The following FLRT1 variants were observed in gnomAD, a reference collection of about 807,000 sequenced individuals.
FLRT1 encodes fibronectin leucine rich transmembrane protein 1.
In FLRT1, 14 loss-of-function variants were observed where a neutral mutation model predicts 30.9. That is an observed-to-expected ratio of 0.45 (90% CI 0.30 to 0.71). The LOEUF (loss-of-function observed/expected upper bound fraction) is 0.71, where lower values mean the gene tolerates loss of function less well. Ranked by LOEUF, FLRT1 falls within the 30% of genes least tolerant of loss-of-function variation. The probability of loss-of-function intolerance (pLI) is 0.08; values close to 1 mark genes in which losing one functional copy is unlikely to be tolerated. For synonymous variants in FLRT1, 368 were observed against 430.4 expected (o/e 0.85, Z 1.80); for missense variants, 737 against 949.2 (o/e 0.78, Z 2.94).
intron 1 of FLRT1, among the ~76,000 whole-genome samples, chr11:64,041,480 G>C (rs79428877): frequency 6.6e-6 from 1 of 152,120 alleles, no homozygotes; most frequent in East Asian, 1.9e-4. Context: ...GCTCAGGGGA[G>C]TGAGGAGGGT....
At chr11:64,106,591 G>A (rs1405831897) in intron 2 of FLRT1, among the ~76,000 whole-genome samples, 1 of 152,190 alleles carries the variant, frequency 6.6e-6, no homozygotes, top group Admixed American at 6.5e-5. Context: ...GCCCCTGAGA[G>A]GCCCTGCCCT....
At chr11:64,113,447 T>TGGAC (rs1277175878) in intron 2 of FLRT1, among the ~76,000 whole-genome samples, 5 of 145,842 alleles carry the variant, frequency 3.4e-5, no homozygotes, top group Non-Finnish European at 7.7e-5. Flanking sequence ...GATGGATGGA[T>TGGAC]GGACAGGTGG....
chr11:64,059,930 A>G (rs1189481174), intron 1 of FLRT1, among the ~76,000 whole-genome samples: 1 of 152,048 alleles, frequency 6.6e-6, no homozygotes, highest in Non-Finnish European at 1.5e-5. Flanking sequence ...CCTCCTGAGC[A>G]GCTGGGGCGC....
At chr11:64,075,842 T>C (rs190491525) in intron 1 of FLRT1, among the ~76,000 whole-genome samples, 1 of 152,322 alleles carries the variant, frequency 6.6e-6, no homozygotes, top group East Asian at 1.9e-4. Flanking sequence ...CCAGCTAATT[T>C]TGTACTTTTT....
intron 1 of FLRT1, among the ~76,000 whole-genome samples, chr11:64,037,891 TCCTGAG>T (rs1411077699): frequency 6.6e-6 from 1 of 152,202 alleles, no homozygotes; most frequent in African/African-American, 2.4e-5. Flanking sequence ...TAGTGCCACC[TCCTGAG>T]CCTGAGCCAG....
At chr11:64,108,954 G>GA (rs908397181) in intron 2 of FLRT1, among the ~76,000 whole-genome samples, 12 of 152,188 alleles carry the variant, frequency 7.9e-5, no homozygotes, top group African/African-American at 2.9e-4. Context: ...AGGTGGGCAG[G>GA]AAGGAGGCTG....
intron 1 of FLRT1, among the ~76,000 whole-genome samples, chr11:64,099,827 AGATGGATG>A (rs544902818): frequency 6.6e-6 from 1 of 151,008 alleles, no homozygotes; most frequent in African/African-American, 2.4e-5. Flanking sequence ...GTGAATGGAT[AGATGGATG>A]GATGGATGGA....
At chr11:64,095,554 A>G (rs1187762147) in intron 1 of FLRT1, among the ~76,000 whole-genome samples, 1 of 152,200 alleles carries the variant, frequency 6.6e-6, no homozygotes, top group Non-Finnish European at 1.5e-5. Flanking sequence ...GGAGGCTGGC[A>G]GAGCTGGTGG....
chr11:64,117,604 T>C lies in FLRT1; in HGVS notation c.1337T>C (p.Leu446Pro). The C allele has an allele frequency of 6.2e-7, 1 of 1,613,700 alleles. No homozygotes were observed. Among genetic ancestry groups the C allele is most frequent in the Non-Finnish European group, 8.5e-7 (1 of 1,179,956 alleles). The change falls in exon 3 of 3, where the codon CTG (leucine) becomes CCG (proline). Residue 446 changes from leucine to proline, a missense_variant. Transcript: ENST00000682287. ...AKTLAIHVKA[L>P]TADSIRITWK... Reference sequence around the variant, plus strand: ...ACCCTGGCCATCCACGTGAAGGCCCTGACGGCAGACTCCATCCGCATCACG... The same window carrying C: ...ACCCTGGCCATCCACGTGAAGGCCCCGACGGCAGACTCCATCCGCATCACG...
At chr11:64,085,919 C>T (rs552817461) in intron 1 of FLRT1, among the ~76,000 whole-genome samples, 27 of 151,280 alleles carry the variant, frequency 1.8e-4, no homozygotes, top group African/African-American at 6.1e-4. Flanking sequence ...CCCACCCCCA[C>T]AGAAGGGGAG....
In FLRT1 at chr11:64,103,988, G is replaced by C. The variant is rs11231696; in HGVS notation, c.-243G>C. ...CCTCTCTGTGCCCTGGGGAGCCCCA[G>C]TGCTGCCCAGTCACCCCAGGGCTGA... On this transcript the variant is annotated 5_prime_UTR_variant, in exon 2 of 3. Coordinates refer to ENST00000682287, the MANE Select transcript of FLRT1 (RefSeq NM_013280.5). The C allele has an allele frequency of 6.6e-6, 1 of 152,294 alleles. No individual in the cohort carries two copies. The highest frequency in any genetic ancestry group is 2.4e-5 in the African/African-American group (1 of 41,376). The allele number at this position is 152,294 out of a possible 1,614,324, so 9.4% of individuals were successfully genotyped here.
chr11:64,074,652 C>T (rs1944169672), intron 1 of FLRT1, among the ~76,000 whole-genome samples: 1 of 152,242 alleles, frequency 6.6e-6, no homozygotes, highest in Admixed American at 6.5e-5. Flanking sequence ...GCCCTTACAG[C>T]ATGTCCAAGT....
intron 1 of FLRT1, among the ~76,000 whole-genome samples, chr11:64,057,294 G>A (rs1017646782): frequency 3.5e-4 from 54 of 152,194 alleles, no homozygotes; most frequent in African/African-American, 1.3e-3. Context: ...GAGCAGGTGG[G>A]GTCCCTCTGC....
At chr11:64,114,488 A>G (rs1455344872) in intron 2 of FLRT1, among the ~76,000 whole-genome samples, 38 of 92,172 alleles carry the variant, frequency 4.1e-4, no homozygotes, top group East Asian at 1.2e-3. Flanking sequence ...GGGATGGTTG[A>G]ATGGATGGAT....
At position 64,067,242 on chromosome 11, in the gene FLRT1, C is replaced by T. The variant is rs1185124836; in HGVS notation, c.-1038+31083C>T. ...GTGGGGAGAGGCCTTGCATGGCACC[C>T]ACTCCCACCTGTGCGGCACGAGAGG... On this transcript the variant is annotated intron_variant, in intron 1 of 2. Transcript: ENST00000682287. This position sits in a 1 kb window ranked among gnomAD's most constrained non-coding sequence, Gnocchi z 4.6. Among the ~76,000 whole-genome samples the T allele has an allele frequency of 6.6e-6, 1 of 152,114 alleles. No homozygotes were observed. The highest frequency in any genetic ancestry group is 1.5e-5 in the Non-Finnish European group (1 of 68,012).
At chr11:64,068,730 T>A (rs1944051133) in intron 1 of FLRT1, among the ~76,000 whole-genome samples, 1 of 152,190 alleles carries the variant, frequency 6.6e-6, no homozygotes, top group South Asian at 2.1e-4. Context: ...AAGCTGCAGC[T>A]GGGACAGCTG....
chr11:64,107,256 C>T (rs753861984), intron 2 of FLRT1, among the ~76,000 whole-genome samples: 2 of 152,236 alleles, frequency 1.3e-5, no homozygotes, highest in Non-Finnish European at 2.9e-5. Context: ...TGGACACAGA[C>T]AGACAGAAAT....
chr11:64,088,296 C>T (rs1000004213), intron 1 of FLRT1, among the ~76,000 whole-genome samples: 17 of 152,254 alleles, frequency 1.1e-4, no homozygotes, highest in African/African-American at 2.6e-4. Flanking sequence ...GGGGACCTTG[C>T]GTCACTAGGC....
chr11:64,086,042 G>A (rs910038593), intron 1 of FLRT1, among the ~76,000 whole-genome samples: 2 of 152,204 alleles, frequency 1.3e-5, no homozygotes, highest in African/African-American at 4.8e-5. Flanking sequence ...GCCACAGCCT[G>A]TCCCTGCCCT....
Sources: allele counts gnomAD v4.1 joint callset (sites outside exome capture counted in the v4.1 genomes callset), GRCh38; gene constraint gnomAD v4.1.1; non-coding constraint Gnocchi (gnomAD v3.1); transcripts MANE v1.5; gene names NCBI Gene and HGNC (gene_info 2026-07-23, HGNC 2026-07-21).